SPATA13: variants seen among roughly 807,000 people sequenced by gnomAD.
SPATA13 encodes the protein spermatogenesis-associated protein 13.
A neutral mutation model predicts 104.0 loss-of-function variants in SPATA13; 50 were observed. That is an observed-to-expected ratio of 0.48 (90% CI 0.38 to 0.61). The LOEUF is 0.61. Ranked by LOEUF, SPATA13 falls within the 20% of genes least tolerant of loss-of-function variation. The pLI is 0.00. For missense variants in SPATA13, 1,524 were observed against 1,690.6 expected (o/e 0.90, Z 1.73); for synonymous variants, 606 against 667.5 (o/e 0.91, Z 1.42).
In SPATA13 at chr13:24,031,167, C is replaced by T. The variant is rs78139914; in HGVS notation, c.-112+13466C>T. Among the ~76,000 whole-genome samples, 1,365 of 152,284 alleles carry T rather than the reference C, an allele frequency of 9.0e-3. 22 individuals carry two copies. The highest frequency in any genetic ancestry group is 0.076 in the East Asian group (396 of 5,188). On this transcript the variant is annotated intron_variant, in intron 3 of 14. Coordinates refer to the SPATA13 transcript ENST00000424834. Reference sequence around the variant, plus strand: ...ATTGATACCATGCTTAGAACTGCTGCGGAGGGGAGGCCCTTTCATGGATGG... The same window carrying T: ...ATTGATACCATGCTTAGAACTGCTGTGGAGGGGAGGCCCTTTCATGGATGG...
intron 4 of SPATA13, among the ~76,000 whole-genome samples, chr13:24,269,738 TA>T (rs1466376363): frequency 1.6e-4 from 20 of 122,218 alleles, no homozygotes; most frequent in African/African-American, 5.6e-4. Flanking sequence ...ATGGCTAATA[TA>T]AATTTTTTTT....
intron 2 of SPATA13, 44 bp downstream of exon 2, chr13:24,224,626 G>A (rs773519099): frequency 2.7e-5 from 42 of 1,532,540 alleles, no homozygotes; most frequent in Middle Eastern, 1.7e-4. Flanking sequence ...ACCCTCCTGC[G>A]GGAAGGGAGC....
intron 3 of SPATA13, among the ~76,000 whole-genome samples, chr13:24,061,721 G>A (rs1418243111): frequency 6.6e-6 from 1 of 152,116 alleles, no homozygotes; most frequent in Non-Finnish European, 1.5e-5. Flanking sequence ...CTAATTGAGA[G>A]TGGAGTGTGG....
chr13:24,245,140 G>A (rs1044812830), intron 2 of SPATA13, among the ~76,000 whole-genome samples: 2 of 152,134 alleles, frequency 1.3e-5, no homozygotes, highest in African/African-American at 2.4e-5. Flanking sequence ...GGCAGCCCAC[G>A]CCGGAGTCTG....
chr13:24,055,113 G>A (rs1353471783), intron 3 of SPATA13, among the ~76,000 whole-genome samples: 5 of 152,156 alleles, frequency 3.3e-5, no homozygotes, highest in East Asian at 3.8e-4. Context: ...AAGGTTGTAC[G>A]CTTTACATAT....
intron 1 of SPATA13, among the ~76,000 whole-genome samples, chr13:24,180,599 A>C (rs939305952): frequency 3.3e-5 from 5 of 152,212 alleles, no homozygotes; most frequent in Admixed American, 3.3e-4. Context: ...CATTTTAACA[A>C]TACCAAGTCT....
At chr13:24,092,487 G>A (rs1454494291) in intron 3 of SPATA13, among the ~76,000 whole-genome samples, 1 of 152,210 alleles carries the variant, frequency 6.6e-6, no homozygotes, top group Admixed American at 6.5e-5. Context: ...GGAGCCAGGA[G>A]TTTTAAGATA....
intron 3 of SPATA13, among the ~76,000 whole-genome samples, chr13:24,041,352 T>A (rs1593294506): frequency 6.6e-6 from 1 of 152,382 alleles, no homozygotes; most frequent in African/African-American, 2.4e-5. Context: ...TTCAAGCTCA[T>A]TTTCCCTATT....
intron 3 of SPATA13, among the ~76,000 whole-genome samples, chr13:24,050,105 T>C (rs6490863): frequency 0.43 from 66,064 of 151,952 alleles, 16,172 homozygotes; most frequent in African/African-American, 0.67. Context: ...CTCCTGACCT[T>C]GTGATCCACC....
At chr13:23,981,964 A>G (rs755811604) in intron 1 of SPATA13, among the ~76,000 whole-genome samples, 2 of 152,238 alleles carry the variant, frequency 1.3e-5, no homozygotes, top group African/African-American at 4.8e-5. Flanking sequence ...TGTTCTTCCA[A>G]CTGGAATGTT....
At chr13:24,167,905 G>A (rs1328020721) in intron 1 of SPATA13, among the ~76,000 whole-genome samples, 2 of 152,184 alleles carry the variant, frequency 1.3e-5, no homozygotes, top group Non-Finnish European at 2.9e-5. Flanking sequence ...CTGACACTGA[G>A]CTCACAGTTT....
At chr13:24,190,026 G>T (rs1270768004) in intron 1 of SPATA13, among the ~76,000 whole-genome samples, 2 of 46,220 alleles carry the variant, frequency 4.3e-5, no homozygotes, top group East Asian at 8.9e-4. Flanking sequence ...ATAACATAAT[G>T]ATATACAATA....
At chr13:24,229,622 A>T (rs1027056679) in intron 2 of SPATA13, among the ~76,000 whole-genome samples, 2 of 151,856 alleles carry the variant, frequency 1.3e-5, no homozygotes, top group African/African-American at 2.4e-5. Flanking sequence ...TCTTTCCAGA[A>T]CTCTTTTTCA....
intron 3 of SPATA13, among the ~76,000 whole-genome samples, chr13:24,067,896 G>A (rs967065139): frequency 6.6e-6 from 1 of 152,124 alleles, no homozygotes; most frequent in Non-Finnish European, 1.5e-5. Context: ...TAGACATGGG[G>A]TTTCACCATG....
At chr13:23,997,330 T>G in intron 2 of SPATA13, among the ~76,000 whole-genome samples, 1 of 152,228 alleles carries the variant, frequency 6.6e-6, no homozygotes, top group Middle Eastern at 3.4e-3. Context: ...AACACGCATG[T>G]CCCCTGTGAT....
At chr13:24,156,099 G>A (rs181199173), upstream of SPATA13, among the ~76,000 whole-genome samples, 7 of 152,274 alleles carry the variant, frequency 4.6e-5, no homozygotes, top group African/African-American at 1.7e-4. Flanking sequence ...GAATACTTGG[G>A]TTGCTGTCAC....
intron 3 of SPATA13, among the ~76,000 whole-genome samples, chr13:24,031,935 AC>A (rs1007957755): frequency 1.3e-5 from 2 of 152,184 alleles, no homozygotes; most frequent in South Asian, 2.1e-4. Flanking sequence ...ATAATTCTTC[AC>A]CCACAGTTGT....
At chr13:24,260,713 T>C (rs1874017226) in intron 4 of SPATA13, among the ~76,000 whole-genome samples, 1 of 151,798 alleles carries the variant, frequency 6.6e-6, no homozygotes, top group Non-Finnish European at 1.5e-5. Flanking sequence ...AATCGAGGAG[T>C]CTATATTCAG....
intron 1 of SPATA13, among the ~76,000 whole-genome samples, chr13:24,165,658 G>A (rs1444808064): frequency 3.3e-5 from 5 of 152,122 alleles, no homozygotes; most frequent in Non-Finnish European, 5.9e-5. Flanking sequence ...TGCACGGGGA[G>A]GGCAGGCTTT....
Sources: gnomAD v4.1 joint callset for allele counts (sites outside exome capture counted in the v4.1 genomes callset) on GRCh38, gnomAD v4.1.1 for gene constraint, MANE v1.5 for transcripts, NCBI Gene and HGNC (gene_info 2026-07-23, HGNC 2026-07-21) for gene names.